Variants in TMCC1 observed in about 807,000 individuals in gnomAD.
The protein encoded by TMCC1 is transmembrane and coiled-coil domain family 1.
In TMCC1, 15 loss-of-function variants were observed where a neutral mutation model predicts 52.4. The ratio of observed to expected loss-of-function variants is 0.29; its 90% CI spans 0.19 to 0.44. The LOEUF is 0.44. Ranked by LOEUF, TMCC1 falls within the 20% of genes least tolerant of loss-of-function variation. The pLI, the probability that TMCC1 is intolerant of heterozygous loss-of-function variation, is 1.00. For missense variants in TMCC1, 503 were observed against 806.0 expected, an observed-to-expected ratio of 0.62 and a Z score of 4.55; for synonymous variants, 279 against 301.9, an observed-to-expected ratio of 0.92 and a Z score of 0.79.
chr3:129,844,776 T>C (rs901345441), intron 2 of TMCC1, among the ~76,000 whole-genome samples: 1 of 152,218 alleles, frequency 6.6e-6, no homozygotes, highest in Non-Finnish European at 1.5e-5. Flanking sequence ...CTAGTAAGAA[T>C]GAAAACTCTT....
At chr3:129,860,027 G>T (rs1017223370) in intron 2 of TMCC1, among the ~76,000 whole-genome samples, 1 of 152,034 alleles carries the variant, frequency 6.6e-6, no homozygotes, top group Non-Finnish European at 1.5e-5. Context: ...AGGGTTTCAG[G>T]ACATAAAGCA....
At chr3:129,727,272 T>C (rs532618136) in intron 4 of TMCC1, among the ~76,000 whole-genome samples, 13 of 152,294 alleles carry the variant, frequency 8.5e-5, no homozygotes, top group Middle Eastern at 3.4e-3. Flanking sequence ...AATTATTTCT[T>C]TGGAATGCTG....
At chr3:129,682,509 T>C (rs914055587) in intron 4 of TMCC1, among the ~76,000 whole-genome samples, 5 of 152,092 alleles carry the variant, frequency 3.3e-5, no homozygotes, top group African/African-American at 1.2e-4. Context: ...AAAAGCTCAG[T>C]CCCCTGCCTC....
At chr3:129,752,740 T>G (rs2052643777) in intron 4 of TMCC1, among the ~76,000 whole-genome samples, 2 of 151,982 alleles carry the variant, frequency 1.3e-5, no homozygotes, top group African/African-American at 4.8e-5. Flanking sequence ...AAAAATCAAT[T>G]TCAAAGAATA....
At chr3:129,677,178 T>A (rs926972112) in intron 4 of TMCC1, among the ~76,000 whole-genome samples, 5 of 152,100 alleles carry the variant, frequency 3.3e-5, no homozygotes, top group African/African-American at 1.2e-4. Context: ...GGTGGGGGGA[T>A]TGCTTGAGCC....
chr3:129,784,539 C>T (rs1415466203), intron 4 of TMCC1, among the ~76,000 whole-genome samples: 1 of 149,814 alleles, frequency 6.7e-6, no homozygotes, highest in East Asian at 2.0e-4. Context: ...GCACTCCAGC[C>T]TGGGTGACAG....
intron 4 of TMCC1, among the ~76,000 whole-genome samples, chr3:129,761,990 CAAAA>C (rs1179793010): frequency 3.9e-5 from 3 of 76,046 alleles, no homozygotes; most frequent in East Asian, 1.0e-3. Flanking sequence ...GACTCTGTCT[CAAAA>C]AAAAAAAAAA....
intron 4 of TMCC1, among the ~76,000 whole-genome samples, chr3:129,685,992 T>C (rs1327553578): frequency 1.3e-5 from 2 of 152,182 alleles, no homozygotes; most frequent in South Asian, 2.1e-4. Context: ...ATTTCCATCA[T>C]AATACACAAC....
intron 4 of TMCC1, among the ~76,000 whole-genome samples, chr3:129,736,458 T>C (rs537719860): frequency 1.1e-4 from 17 of 152,272 alleles, no homozygotes; most frequent in African/African-American, 4.1e-4. Flanking sequence ...ATTTAATAAT[T>C]GTGATGAAAC....
At chr3:129,732,454 T>C (rs1298257915) in intron 4 of TMCC1, among the ~76,000 whole-genome samples, 2 of 152,182 alleles carry the variant, frequency 1.3e-5, no homozygotes, top group African/African-American at 4.8e-5. Context: ...CTAGGTATAC[T>C]GTTTGGGGTC....
At chr3:129,707,982 A>G (rs112619307) in intron 4 of TMCC1, among the ~76,000 whole-genome samples, 10 of 150,118 alleles carry the variant, frequency 6.7e-5, no homozygotes, top group African/African-American at 1.7e-4. Flanking sequence ...ACAGGATATT[A>G]TAGAATTTGT....
At chr3:129,736,676 C>T (rs1331987779) in intron 4 of TMCC1, among the ~76,000 whole-genome samples, 2 of 151,884 alleles carry the variant, frequency 1.3e-5, no homozygotes, top group Non-Finnish European at 2.9e-5. Flanking sequence ...CGCCCGCCAC[C>T]ACGCCCAGCT....
chr3:129,793,166 A>AAC (rs149082077), intron 4 of TMCC1, among the ~76,000 whole-genome samples: 2,500 of 148,464 alleles, frequency 0.017, 26 homozygotes, highest in African/African-American at 0.031. Flanking sequence ...GAGGCCTTCA[A>AAC]ACACACACAC....
chr3:129,829,694 A>G (rs995435088), intron 3 of TMCC1, among the ~76,000 whole-genome samples: 1 of 152,188 alleles, frequency 6.6e-6, no homozygotes, highest in African/African-American at 2.4e-5. Flanking sequence ...AATTTAAGCC[A>G]CTACCAATGA....
intron 2 of TMCC1, among the ~76,000 whole-genome samples, chr3:129,870,843 C>T (rs953510463): frequency 6.6e-6 from 1 of 150,560 alleles, no homozygotes; most frequent in African/African-American, 2.4e-5. Flanking sequence ...TTAGATTATC[C>T]CTGTCCTTTT....
intron 1 of TMCC1, among the ~76,000 whole-genome samples, chr3:129,889,327 A>C (rs571825154): frequency 2.6e-4 from 40 of 152,250 alleles, no homozygotes; most frequent in Non-Finnish European, 4.7e-4. Context: ...CAAGGTCACT[A>C]AATACAGGGA....
At chr3:129,673,001 T>C (rs1560159363) in intron 4 of TMCC1, among the ~76,000 whole-genome samples, 1 of 152,148 alleles carries the variant, frequency 6.6e-6, no homozygotes, top group Non-Finnish European at 1.5e-5. Context: ...ATAAAAACAC[T>C]ACCTTCTTTC....
chr3:129,882,061 T>C (rs992684184), intron 1 of TMCC1, among the ~76,000 whole-genome samples: 2 of 151,996 alleles, frequency 1.3e-5, no homozygotes, highest in Non-Finnish European at 2.9e-5. Flanking sequence ...CAAAATCAAA[T>C]TCCTTGAAAC....
At chr3:129,735,480 A>G (rs2050878238) in intron 4 of TMCC1, among the ~76,000 whole-genome samples, 2 of 151,730 alleles carry the variant, frequency 1.3e-5, no homozygotes, top group African/African-American at 4.8e-5. Context: ...CTGTCTCCAC[A>G]AAAAAGGAAA....
Sources: allele counts gnomAD v4.1 joint callset (sites outside exome capture counted in the v4.1 genomes callset), GRCh38; gene constraint gnomAD v4.1.1; transcripts MANE v1.5; gene names NCBI Gene and HGNC (gene_info 2026-07-23, HGNC 2026-07-21).